The following HMGN3 variants were observed in gnomAD, a reference collection of about 807,000 sequenced individuals.
The protein encoded by HMGN3 is high mobility group nucleosomal binding domain 3.
In HMGN3, 6 loss-of-function variants were observed where a neutral mutation model predicts 18.8. The ratio of observed to expected loss-of-function variants is 0.32; its 90% CI spans 0.18 to 0.63. HMGN3 has a LOEUF of 0.63. Ranked by LOEUF, HMGN3 falls within the 30% of genes least tolerant of loss-of-function variation. HMGN3 has a pLI of 0.79. For missense variants in HMGN3, 107 were observed against 114.2 expected (o/e 0.94, Z 0.29); for synonymous variants, 40 against 36.5 (o/e 1.10, Z -0.35).
chr6:79,209,485 C>T (rs1461485324), intron 2 of HMGN3, among the ~76,000 whole-genome samples: 1 of 152,214 alleles, frequency 6.6e-6, no homozygotes, highest in East Asian at 1.9e-4. Flanking sequence ...GTTTTATTCA[C>T]TGCTCCATCT....
In HMGN3 at chr6:79,214,240, CA is replaced by C. The variant is rs1457215217; in HGVS notation, c.66+731del. Among the ~76,000 whole-genome samples, 13 of 149,246 alleles carry C rather than the reference CA, an allele frequency of 8.7e-5. No homozygotes were observed. The South Asian group carries it at 2.8e-3, about 32-fold the overall frequency. The stretch of plus-strand genomic sequence containing the variant: ...TTTTTTAGAGTCTCTCTCGCTCTGT[CA>C]CCCAGGCTGGAGTGCAGTGGTGTGA... On this transcript the variant is annotated intron_variant, in intron 2 of 5. Transcript: ENST00000344726.
chr6:79,205,543 C>A (rs776199466), intron 3 of HMGN3, among the ~76,000 whole-genome samples: 1 of 152,232 alleles, frequency 6.6e-6, no homozygotes, highest in Non-Finnish European at 1.5e-5. Flanking sequence ...GAGCCTTCCC[C>A]AGCCACATGG....
At chr6:79,208,429 T>C in intron 3 of HMGN3, 118 bp downstream of exon 3, 1 of 913,264 alleles carries the variant, frequency 1.1e-6, no homozygotes, top group East Asian at 2.4e-5. Context: ...CTAGGTAATT[T>C]TCAAAAAGAA....
chr6:79,202,359 C>A, exon 5 of HMGN3: 1 of 1,614,090 alleles, frequency 6.2e-7, no homozygotes, highest in Non-Finnish European at 8.5e-7. Flanking sequence ...TTCCCTTTAG[C>A]ACCTCTGCTA....
rs563046085 is a variant in HMGN3 at position 79,222,670 on chromosome 6, A to C, written c.16-7648T>G. On this transcript the variant is annotated intron_variant, in intron 1 of 5. Coordinates refer to ENST00000344726, the Ensembl canonical transcript of HMGN3. Reference sequence around the variant, plus strand: ...TCTATTACTACATTGCTTTTAAAGTAATCTTTAAATATCCAATACTTGGAA... The same window carrying C: ...TCTATTACTACATTGCTTTTAAAGTCATCTTTAAATATCCAATACTTGGAA... 1.4e-3 allele frequency among the ~76,000 whole-genome samples: 212 copies of C among 152,346 alleles called. 2 individuals are homozygous for C. Among genetic ancestry groups the C allele is most frequent in the South Asian group, 6.2e-3 (30 of 4,822 alleles).
At chr6:79,215,372 C>G (rs1247957893) in intron 1 of HMGN3, among the ~76,000 whole-genome samples, 1 of 152,250 alleles carries the variant, frequency 6.6e-6, no homozygotes, top group African/African-American at 2.4e-5. Flanking sequence ...GAGCCACCCT[C>G]TTGTTCCATT....
intron 1 of HMGN3, among the ~76,000 whole-genome samples, chr6:79,217,133 A>C (rs574805440): frequency 6.6e-6 from 1 of 152,358 alleles, no homozygotes; most frequent in East Asian, 1.9e-4. Flanking sequence ...AGGTACACTG[A>C]AAATGTGAAT....
At chr6:79,205,641 AG>A (rs1776387471) in intron 3 of HMGN3, among the ~76,000 whole-genome samples, 1 of 152,246 alleles carries the variant, frequency 6.6e-6, no homozygotes, top group Non-Finnish European at 1.5e-5. Context: ...GGACTAATAC[AG>A]TAAATTGGTA....
chr6:79,205,215 T>C (rs967196642), intron 3 of HMGN3, among the ~76,000 whole-genome samples: 1 of 152,188 alleles, frequency 6.6e-6, no homozygotes, highest in Non-Finnish European at 1.5e-5. Context: ...TGCCTGGAGA[T>C]TCACAACAGC....
chr6:79,217,783 C>T (rs1341605656), intron 1 of HMGN3, among the ~76,000 whole-genome samples: 2 of 152,288 alleles, frequency 1.3e-5, no homozygotes, highest in South Asian at 2.1e-4. Context: ...AAAACAGAAA[C>T]CCAAAGCTTT....
chr6:79,208,276 C>A (rs1266955613), intron 3 of HMGN3, among the ~76,000 whole-genome samples: 4 of 152,158 alleles, frequency 2.6e-5, no homozygotes, highest in Non-Finnish European at 5.9e-5. Flanking sequence ...GCCTAATATA[C>A]TACTTTTGTT....
Position 79,202,057 on chromosome 6 carries a change from C to T in HMGN3, c.261+219G>A. ...AACATGCAGAATTTTCTACTGTACC[C>T]TTAACTCTCACTGTTTCAATCTGCC... On this transcript the variant is annotated intron_variant, in intron 5 of 5. Transcript: ENST00000344726. 6.5e-7 allele frequency: 1 copy of T among 1,536,656 alleles called. No homozygotes were observed. Among genetic ancestry groups the T allele is most frequent in the Non-Finnish European group, 8.7e-7 (1 of 1,146,930 alleles).
intron 1 of HMGN3, among the ~76,000 whole-genome samples, chr6:79,232,964 TTAAA>T (rs1259081428): frequency 6.6e-6 from 1 of 152,214 alleles, no homozygotes; most frequent in African/African-American, 2.4e-5. Context: ...AAAATTAAGT[TTAAA>T]TAATAAATCT....
intron 3 of HMGN3, among the ~76,000 whole-genome samples, chr6:79,204,136 T>G (rs577033509): frequency 6.6e-6 from 1 of 152,200 alleles, no homozygotes; most frequent in Admixed American, 6.5e-5. Flanking sequence ...AGATTTCGAG[T>G]TCTGTTGCCA....
chr6:79,210,847 T>C (rs1300770978), intron 2 of HMGN3, among the ~76,000 whole-genome samples: 3 of 151,964 alleles, frequency 2.0e-5, no homozygotes, highest in Admixed American at 6.6e-5. Flanking sequence ...ACATACCAAA[T>C]AGACTAAGTG....
At chr6:79,215,506 T>C (rs916741274) in intron 1 of HMGN3, among the ~76,000 whole-genome samples, 1 of 152,236 alleles carries the variant, frequency 6.6e-6, no homozygotes, top group African/African-American at 2.4e-5. Flanking sequence ...CATTTCTTGA[T>C]ATGAACTGAC....
chr6:79,203,281 A>G (rs1216451356), intron 4 of HMGN3, among the ~76,000 whole-genome samples: 7 of 152,140 alleles, frequency 4.6e-5, no homozygotes, highest in Admixed American at 2.0e-4. Context: ...CCAGGGCCCA[A>G]ACTCATCCCC....
At chr6:79,223,705 CT>C (rs1777417927) in intron 1 of HMGN3, among the ~76,000 whole-genome samples, 1 of 149,916 alleles carries the variant, frequency 6.7e-6, no homozygotes, top group Non-Finnish European at 1.5e-5. Flanking sequence ...TTTTAAACCT[CT>C]TTGGTCTGAG....
Position 79,234,524 on chromosome 6 carries a change from A to G in HMGN3, c.15+22T>C, listed in dbSNP as rs140419431. ...TAAGCAGAATTTGAAGGCTTTTGAA[A>G]TCTTTTTTTGGTAAGACTTACCTTT... On this transcript the variant is annotated intron_variant, in intron 1 of 5. Coordinates refer to ENST00000344726, the Ensembl canonical transcript of HMGN3. 1.0e-4 allele frequency: 161 copies of G among 1,609,794 alleles called. No individual in the cohort carries two copies. The African/African-American group carries it at 1.8e-3, about 18-fold the overall frequency.
Sources: gnomAD v4.1 joint callset for allele counts (sites outside exome capture counted in the v4.1 genomes callset) on GRCh38, gnomAD v4.1.1 for gene constraint, MANE v1.5 for transcripts, NCBI Gene and HGNC (gene_info 2026-07-23, HGNC 2026-07-21) for gene names.